Variants in TTC38 observed in about 807,000 individuals in gnomAD.
The protein encoded by TTC38 is tetratricopeptide repeat domain 38.
Under a neutral mutation model 64.2 loss-of-function variants are expected in TTC38, and 64 were observed. That is an observed-to-expected ratio of 1.00 (90% CI 0.81 to 1.23). The LOEUF (loss-of-function observed/expected upper bound fraction) is 1.23. TTC38 is among the 50% of genes most tolerant of loss of function. The pLI is 0.00. For synonymous variants in TTC38, 254 were observed against 249.3 expected (o/e 1.02, Z -0.18); for missense variants, 573 against 615.5 (o/e 0.93, Z 0.73).
chr22:46,278,577 T>G lies in TTC38; in HGVS notation c.540-9T>G, dbSNP rs1463923692. The G allele has an allele frequency of 6.2e-7, 1 of 1,612,840 alleles. No homozygotes were observed. The highest frequency in any genetic ancestry group is 8.5e-7 in the Non-Finnish European group (1 of 1,178,910). ...TTTTGTATTCTGAGATCTTTTTTTC[T>G]GTTTTTAGCTATGTGAAAGGCATCT... is the stretch of plus-strand genomic sequence containing the variant. On this transcript the variant is annotated splice_polypyrimidine_tract_variant and intron_variant, in intron 5 of 13. Coordinates refer to ENST00000381031, the MANE Select transcript of TTC38 (RefSeq NM_017931.4).
In TTC38 at chr22:46,272,365, G is replaced by C. The variant is rs896111969; in HGVS notation, c.142G>C (p.Gly48Arg). The stretch of plus-strand genomic sequence containing the variant: ...AAAATGGACCAATGACAAGAGTCTC[G>C]GTGGCATCGAGGGCTGCCTGTCAAA... The part of the protein sequence containing the change: ...YVKWTNDKSL[G>R]GIEGCLSKLK... The change falls in exon 3 of 14, where the codon GGT becomes CGT. Residue 48 changes from glycine (G) to arginine (R), a missense_variant. Physicochemically the swap from Gly to Arg is moderately radical, Grantham distance 125 (BLOSUM62 -2). This residue lies in a region of TTC38 where 134 missense variants were observed against 126.5 expected (regional missense o/e 1.06). Coordinates refer to ENST00000381031, the MANE Select transcript of TTC38 (RefSeq NM_017931.4). This position sits in a 1 kb window ranked among gnomAD's most constrained non-coding sequence, Gnocchi z 6.4. The C allele has an allele frequency of 1.9e-6, 3 of 1,613,874 alleles. No individual in the cohort carries two copies. The highest frequency in any genetic ancestry group is 8.5e-7 in the Non-Finnish European group (1 of 1,179,940).
chr22:46,286,273 T>C (rs912371596), intron 9 of TTC38, among the ~76,000 whole-genome samples: 1 of 151,788 alleles, frequency 6.6e-6, no homozygotes, highest in Non-Finnish European at 1.5e-5. Flanking sequence ...ACCACAGAAA[T>C]GCTTGTGATC....
Position 46,283,963 on chromosome 22 carries a change from T to C in TTC38, c.736-10T>C. On this transcript the variant is annotated splice_polypyrimidine_tract_variant and intron_variant, in intron 7 of 13. Transcript: ENST00000381031. ...CTTTTCATAAATTCTCTTTTTTTTT[T>C]TTTCTCCAGGACTCTGATATGTTGG... is the stretch of plus-strand genomic sequence containing the variant. The C allele has an allele frequency of 6.3e-7, 1 of 1,586,454 alleles. No homozygotes were observed. The highest frequency in any genetic ancestry group is 8.5e-7 in the Non-Finnish European group (1 of 1,173,328).
In TTC38 at chr22:46,274,167, T is replaced by A; in HGVS notation, c.365+98T>A. On this transcript the variant is annotated intron_variant, in intron 4 of 13. Coordinates refer to ENST00000381031, the MANE Select transcript of TTC38 (RefSeq NM_017931.4). This position sits in a 1 kb window ranked among gnomAD's most constrained non-coding sequence, Gnocchi z 4.8. Reference sequence around the variant, plus strand: ...TGATGCCCTTGGGACGGGGGCGGGGTGGGAGAATGCTTCTCTCCCTGCCTC... The same window carrying A: ...TGATGCCCTTGGGACGGGGGCGGGGAGGGAGAATGCTTCTCTCCCTGCCTC... The A allele has an allele frequency of 1.1e-3, 581 of 526,198 alleles. No homozygotes were observed. The highest frequency in any genetic ancestry group is 1.5e-3 in the East Asian group (32 of 21,298). The allele number at this position is 526,198 out of a possible 1,614,324, so 32.6% of individuals were successfully genotyped here.
At chr22:46,283,038 T>A (rs2077546179) in intron 7 of TTC38, among the ~76,000 whole-genome samples, 2 of 152,062 alleles carry the variant, frequency 1.3e-5, no homozygotes, top group Admixed American at 1.3e-4. Flanking sequence ...AAGCGATCCT[T>A]CCACCTCGGC....
At position 46,278,578 on chromosome 22, in the gene TTC38, G is replaced by A; in HGVS notation, c.540-8G>A. 1 of 1,612,896 alleles carries A rather than the reference G, an allele frequency of 6.2e-7. No individual in the cohort carries two copies. Among genetic ancestry groups the A allele is most frequent in the Non-Finnish European group, 8.5e-7 (1 of 1,179,086 alleles). Reference sequence around the variant, plus strand: ...TTTGTATTCTGAGATCTTTTTTTCTGTTTTTAGCTATGTGAAAGGCATCTA... The same window carrying A: ...TTTGTATTCTGAGATCTTTTTTTCTATTTTTAGCTATGTGAAAGGCATCTA... On this transcript the variant is annotated splice_polypyrimidine_tract_variant and splice_region_variant and intron_variant, in intron 5 of 13. Coordinates refer to ENST00000381031, the MANE Select transcript of TTC38 (RefSeq NM_017931.4).
In TTC38 at chr22:46,293,156, T is replaced by G; in HGVS notation, c.*272T>G. On this transcript the variant is annotated 3_prime_UTR_variant, in exon 14 of 14. Transcript: ENST00000381031. This position sits in a 1 kb window ranked among gnomAD's most constrained non-coding sequence, Gnocchi z 6.6. The stretch of plus-strand genomic sequence containing the variant: ...TTTCCACCTGCCTTGCAAATTCTGT[T>G]TCCCAGGGGAATGTGTCTACTGCCT... 4.8e-6 allele frequency: 2 copies of G among 419,796 alleles called. No homozygotes were observed. The highest frequency in any genetic ancestry group is 4.5e-6 in the Non-Finnish European group (1 of 224,092). The allele number at this position is 419,796 out of a possible 1,614,324, so 26.0% of individuals were successfully genotyped here.
Position 46,281,933 on chromosome 22 carries a change from CCACTG to C in TTC38, c.735+216_735+220del, listed in dbSNP as rs1851728738. 2 of 684,596 alleles carry C rather than the reference CCACTG, an allele frequency of 2.9e-6. No individual in the cohort carries two copies. The highest frequency in any genetic ancestry group is 5.3e-6 in the Non-Finnish European group (2 of 376,256). 42.4% of individuals were successfully genotyped at this position (684,596 alleles called of 1,614,324 possible). On this transcript the variant is annotated intron_variant, in intron 7 of 13. Coordinates refer to ENST00000381031, the MANE Select transcript of TTC38 (RefSeq NM_017931.4). The surrounding 1 kb of genome is among the most constrained non-coding windows in gnomAD (Gnocchi z 5.2). ...AGGCCCATACCTTGCCCTAGGGACT[CCACTG>C]AGGGTCCAGCCCAGACTTCTCTGTC...
chr22:46,277,598 C>CT (rs1379978106), intron 5 of TTC38, among the ~76,000 whole-genome samples: 7 of 105,854 alleles, frequency 6.6e-5, no homozygotes, highest in African/African-American at 2.7e-4. Context: ...GAGCGAGACT[C>CT]TGTCTCCAAA....
intron 8 of TTC38, 101 bp from the exon 9 acceptor site, chr22:46,285,140 C>A: frequency 9.8e-7 from 1 of 1,016,598 alleles, no homozygotes. Flanking sequence ...AGGCCGGAGA[C>A]CATGTGCTCA....
chr22:46,274,215 C>A lies in TTC38; in HGVS notation c.365+146C>A. The A allele has an allele frequency of 1.4e-6, 1 of 730,072 alleles. No individual in the cohort carries two copies. The highest frequency in any genetic ancestry group is 2.2e-6 in the Non-Finnish European group (1 of 453,608). 45.2% of individuals were successfully genotyped at this position (730,072 alleles called of 1,614,324 possible). On this transcript the variant is annotated intron_variant, in intron 4 of 13. Transcript: ENST00000381031. This position sits in a 1 kb window ranked among gnomAD's most constrained non-coding sequence, Gnocchi z 4.8. ...CTCCTGAGATGCTCTGATGGAAAAT[C>A]GCATCCTGTCTGCTTCCCTATTCTT...
chr22:46,288,687 CTG>C (rs1241400053), intron 11 of TTC38, 99 bp downstream of exon 11: 34 of 1,242,486 alleles, frequency 2.7e-5, no homozygotes, highest in Non-Finnish European at 3.7e-5. Flanking sequence ...CCTGCCCCGC[CTG>C]TGAGTGCAGC....
Position 46,282,007 on chromosome 22 carries a change from A to G in TTC38, c.735+289A>G, listed in dbSNP as rs6008495. On this transcript the variant is annotated intron_variant, in intron 7 of 13. Transcript: ENST00000381031. The surrounding 1 kb of genome is among the most constrained non-coding windows in gnomAD (Gnocchi z 4.4). ...GAGGAGCGAGCAGCCTCTTCAAAGC[A>G]CATGAGCTGCACCATGACGGGGACC... The G allele has an allele frequency of 0.054, 30,482 of 569,640 alleles. 2,738 individuals are homozygous for G. The highest frequency in any genetic ancestry group is 0.3 in the African/African-American group (15,960 of 53,600). 35.3% of individuals were successfully genotyped at this position (569,640 alleles called of 1,614,324 possible).
Position 46,272,358 on chromosome 22 carries a change from G to A in TTC38, c.135G>A (p.Lys45=). The stretch of plus-strand genomic sequence containing the variant: ...AGTATGTAAAATGGACCAATGACAA[G>A]AGTCTCGGTGGCATCGAGGGCTGCC... ...LTQYVKWTND[K]SLGGIEGCLS... Residue 45 remains lysine, a synonymous_variant, in exon 3 of 14, where the codon AAG becomes AAA. Transcript: ENST00000381031. The surrounding 1 kb of genome is among the most constrained non-coding windows in gnomAD (Gnocchi z 6.4). The A allele has an allele frequency of 6.2e-7, 1 of 1,613,968 alleles. No homozygotes were observed. The highest frequency in any genetic ancestry group is 1.1e-5 in the South Asian group (1 of 91,076).
chr22:46,289,414 G>C lies in TTC38; in HGVS notation c.1095G>C (p.Glu365Asp), dbSNP rs544485689. 26 of 1,609,056 alleles carry C rather than the reference G, an allele frequency of 1.6e-5. No individual in the cohort carries two copies. Among genetic ancestry groups the C allele is most frequent in the Middle Eastern group, 3.3e-4 (2 of 6,048 alleles). Residue 365 changes from glutamate to aspartate, a missense_variant, in exon 12 of 14, where the codon GAG becomes GAC. By Grantham distance (45) the Glu-to-Asp change is conservative. Transcript: ENST00000381031. ...TLRDASESPG[E>D]NCQHLLARDV... ...CTTGGGTTCGCAGATCCCCAGGGGA[G>C]AACTGCCAGCACCTCCTGGCCCGAG... is the stretch of plus-strand genomic sequence containing the variant.
In TTC38 at chr22:46,281,662, A is replaced by G. The variant is rs2077536024; in HGVS notation, c.679A>G (p.Lys227Glu). 6.2e-6 allele frequency: 10 copies of G among 1,614,140 alleles called. No individual in the cohort carries two copies. The East Asian group carries it at 2.2e-4, about 36-fold the overall frequency. The change falls in exon 7 of 14, where the codon AAA (lysine) becomes GAA (glutamate). Residue 227 changes from lysine to glutamate, a missense_variant. Physicochemically the swap from Lys to Glu is moderately conservative, Grantham distance 56 (BLOSUM62 1). Around this residue, in one of 3 missense-constraint regions of TTC38, gnomAD observed 371 missense variants for 381.8 expected, o/e 0.97. Coordinates refer to ENST00000381031, the MANE Select transcript of TTC38 (RefSeq NM_017931.4). The surrounding 1 kb of genome is among the most constrained non-coding windows in gnomAD (Gnocchi z 5.2). ...VHTVAHIHEM[K>E]AEIKDGLEFM... ...CACCGTCGCTCACATCCACGAGATG[A>G]AAGCAGAGATCAAGGATGGGTTGGA... is the stretch of plus-strand genomic sequence containing the variant.
chr22:46,292,232 G>T lies in TTC38; in HGVS notation c.1317-559G>T. ...AAGGTCTCACTCGGTCATCCAGGTT[G>T]GAATGCAGTGGTGTGATCACAGTTC... On this transcript the variant is annotated intron_variant, in intron 13 of 13. Coordinates refer to ENST00000381031, the MANE Select transcript of TTC38 (RefSeq NM_017931.4). This position sits in a 1 kb window ranked among gnomAD's most constrained non-coding sequence, Gnocchi z 6.5. 2.2e-6 allele frequency: 1 copy of T among 447,548 alleles called. No homozygotes were observed. The allele number at this position is 447,548 out of a possible 1,614,324, so 27.7% of individuals were successfully genotyped here.
In TTC38 at chr22:46,271,559, G is replaced by A. The variant is rs983374893; in HGVS notation, c.112-776G>A. On this transcript the variant is annotated intron_variant, in intron 2 of 13. Coordinates refer to ENST00000381031, the MANE Select transcript of TTC38 (RefSeq NM_017931.4). The surrounding 1 kb of genome is among the most constrained non-coding windows in gnomAD (Gnocchi z 5.5). Reference sequence around the variant, plus strand: ...CACCCAGGCTGGGGTGCAGTGGCACGATCTCAGCTCACTGCAACCTCTACC... The same window carrying A: ...CACCCAGGCTGGGGTGCAGTGGCACAATCTCAGCTCACTGCAACCTCTACC... Among the ~76,000 whole-genome samples, 1 of 151,678 alleles carries A rather than the reference G, an allele frequency of 6.6e-6. No individual in the cohort carries two copies. The highest frequency in any genetic ancestry group is 2.4e-5 in the African/African-American group (1 of 41,268).
In TTC38 at chr22:46,271,373, C is replaced by T. The variant is rs997510506; in HGVS notation, c.112-962C>T. Among the ~76,000 whole-genome samples the T allele has an allele frequency of 1.5e-4, 23 of 151,956 alleles. No homozygotes were observed. Among genetic ancestry groups the T allele is most frequent in the African/African-American group, 5.3e-4 (22 of 41,354 alleles). On this transcript the variant is annotated intron_variant, in intron 2 of 13. Coordinates refer to ENST00000381031, the MANE Select transcript of TTC38 (RefSeq NM_017931.4). This position sits in a 1 kb window ranked among gnomAD's most constrained non-coding sequence, Gnocchi z 5.5. The stretch of plus-strand genomic sequence containing the variant: ...GATTACAGGCGCCCACCACCACACC[C>T]GGCTGATTTTTTGTATCTTTAGTAG...
Sources: gnomAD v4.1 joint callset for allele counts (sites outside exome capture counted in the v4.1 genomes callset) on GRCh38, gnomAD v4.1.1 for gene constraint, gnomAD v4.1.1 regional missense constraint, Gnocchi (gnomAD v3.1) non-coding constraint, MANE v1.5 for transcripts, NCBI Gene and HGNC (gene_info 2026-07-23, HGNC 2026-07-21) for gene names.